The following AMOTL1 variants were observed in gnomAD, a reference collection of about 807,000 sequenced individuals.
AMOTL1 encodes the protein angiomotin-like protein 1.
In AMOTL1, 45 loss-of-function variants were observed where a neutral mutation model predicts 102.9. The ratio of observed to expected loss-of-function variants is 0.44; its 90% CI spans 0.34 to 0.56. The LOEUF (loss-of-function observed/expected upper bound fraction) is 0.56, where lower values mean the gene tolerates loss of function less well. AMOTL1 is among the 20% of genes least tolerant of loss of function. The pLI is 0.01. For missense variants in AMOTL1, 1,114 were observed against 1,225.6 expected, an observed-to-expected ratio of 0.91 and a Z score of 1.36; for synonymous variants, 481 against 484.7, an observed-to-expected ratio of 0.99 and a Z score of 0.10.
At chr11:94,867,103 G>A (rs948322155) in intron 11 of AMOTL1, among the ~76,000 whole-genome samples, 10 of 152,158 alleles carry the variant, frequency 6.6e-5, no homozygotes, top group Non-Finnish European at 1.2e-4. Flanking sequence ...GTGGTCCTCA[G>A]CATAAGACCC....
In AMOTL1 at chr11:94,866,005, A is replaced by G; in HGVS notation, c.2325A>G (p.Arg775=). ...CTATGATTAAGGTCCTGCAGCAGCG[A>G]TCTCGTAAAGATGCCGGGAAGACAG... ...KDAMIKVLQQ[R]SRKDAGKTDS... Residue 775 remains arginine (R), a synonymous_variant, in exon 11 of 13, where the codon CGA becomes CGG. Transcript: ENST00000433060. 1.2e-6 allele frequency: 2 copies of G among 1,613,958 alleles called. No individual in the cohort carries two copies. The highest frequency in any genetic ancestry group is 1.7e-6 in the Non-Finnish European group (2 of 1,179,880).
At position 94,850,104 on chromosome 11, in the gene AMOTL1, T is replaced by G. The variant is rs1482507963; in HGVS notation, c.1649-10T>G. The G allele has an allele frequency of 6.3e-7, 1 of 1,575,764 alleles. No homozygotes were observed. The highest frequency in any genetic ancestry group is 8.6e-7 in the Non-Finnish European group (1 of 1,159,902). ...TGATAGAGGTAGTTTTGTTCGTGTT[T>G]CCCTTCTAGACAAAGAATTCTTGAA... On this transcript the variant is annotated splice_polypyrimidine_tract_variant and intron_variant, in intron 6 of 12. Transcript: ENST00000433060.
At chr11:94,737,974 GA>G (rs1370172621) in intron 2 of AMOTL1, among the ~76,000 whole-genome samples, 3 of 152,216 alleles carry the variant, frequency 2.0e-5, no homozygotes, top group African/African-American at 7.2e-5. Context: ...ATAGAGTCAA[GA>G]AAGGATTTTT....
chr11:94,708,160 C>A (rs748451560), intron 1 of AMOTL1, among the ~76,000 whole-genome samples: 14 of 152,132 alleles, frequency 9.2e-5, no homozygotes, highest in Non-Finnish European at 1.9e-4. Context: ...AGCTCGTCCC[C>A]CCTGCTACCA....
intron 1 of AMOTL1, among the ~76,000 whole-genome samples, chr11:94,780,503 A>T (rs1261636941): frequency 6.6e-6 from 1 of 152,220 alleles, no homozygotes; most frequent in African/African-American, 2.4e-5. Context: ...GAATAGTCTG[A>T]CCTAAACAAA....
rs978753344 is a variant in AMOTL1 at position 94,871,948 on chromosome 11, C to T, written c.*1153C>T. 2.0e-5 allele frequency: 3 copies of T among 151,390 alleles called. No homozygotes were observed. Among genetic ancestry groups the T allele is most frequent in the African/African-American group, 4.9e-5 (2 of 40,882 alleles). The allele number at this position is 151,390 out of a possible 1,614,324, so 9.4% of individuals were successfully genotyped here. ...TCCCGTATAGCTTCTTGTATTGAGG[C>T]TCATGAGCGTATTCACACTCTTTCC... On this transcript the variant is annotated 3_prime_UTR_variant, in exon 13 of 13. Coordinates refer to ENST00000433060, the MANE Select transcript of AMOTL1 (RefSeq NM_130847.3).
At chr11:94,756,474 G>A (rs1299434619) in intron 3 of AMOTL1, among the ~76,000 whole-genome samples, 1 of 152,090 alleles carries the variant, frequency 6.6e-6, no homozygotes, top group East Asian at 1.9e-4. Flanking sequence ...TCATGGAATA[G>A]CTATTACTCT....
At chr11:94,794,817 G>A (rs548110603) in intron 1 of AMOTL1, among the ~76,000 whole-genome samples, 194 bp from the exon 2 acceptor site, 41 of 152,268 alleles carry the variant, frequency 2.7e-4, no homozygotes, top group African/African-American at 8.9e-4. Flanking sequence ...TTGACCTCAC[G>A]GGTCATTTTG....
intron 3 of AMOTL1, among the ~76,000 whole-genome samples, chr11:94,751,598 G>T (rs1950654843): frequency 6.6e-6 from 1 of 151,926 alleles, no homozygotes; most frequent in Admixed American, 6.5e-5. Flanking sequence ...CATTGCTCAG[G>T]AAGTGAGTTT....
At chr11:94,752,690 C>T (rs528355967) in intron 3 of AMOTL1, among the ~76,000 whole-genome samples, 1 of 152,260 alleles carries the variant, frequency 6.6e-6, no homozygotes, top group South Asian at 2.1e-4. Context: ...TAAAAGATTA[C>T]TGGGAAGAGT....
chr11:94,803,556 G>C (rs1488242936), intron 3 of AMOTL1, among the ~76,000 whole-genome samples: 1 of 152,158 alleles, frequency 6.6e-6, no homozygotes, highest in East Asian at 1.9e-4. Context: ...AGGACAAGAT[G>C]GGAATTAAAC....
At chr11:94,771,265 G>GGGC (rs1565345783) in intron 1 of AMOTL1, among the ~76,000 whole-genome samples, 1 of 146,236 alleles carries the variant, frequency 6.8e-6, no homozygotes, top group Non-Finnish European at 1.5e-5. Context: ...GGGTTGGGGG[G>GGGC]GGGGTGCGGT....
chr11:94,720,857 G>A (rs1232794971), intron 1 of AMOTL1, among the ~76,000 whole-genome samples: 1 of 152,112 alleles, frequency 6.6e-6, no homozygotes, highest in Non-Finnish European at 1.5e-5. Flanking sequence ...GATTGAAGGA[G>A]GAGGGTGTGC....
intron 1 of AMOTL1, among the ~76,000 whole-genome samples, chr11:94,709,774 T>G (rs1280853913): frequency 6.6e-6 from 1 of 152,100 alleles, no homozygotes; most frequent in Non-Finnish European, 1.5e-5. Context: ...AATAACAATG[T>G]ATATTAACTA....
intron 3 of AMOTL1, among the ~76,000 whole-genome samples, chr11:94,758,378 C>A (rs185113875): frequency 1.3e-5 from 2 of 152,234 alleles, no homozygotes; most frequent in African/African-American, 2.4e-5. Context: ...TGATTGAATG[C>A]GTAATAAATG....
intron 4 of AMOTL1, among the ~76,000 whole-genome samples, chr11:94,823,027 T>G (rs773873260): frequency 1.3e-5 from 2 of 150,932 alleles, no homozygotes; most frequent in Non-Finnish European, 2.9e-5. Flanking sequence ...TGTTGTCACT[T>G]TGGCTCTATG....
intron 3 of AMOTL1, among the ~76,000 whole-genome samples, chr11:94,808,965 CT>C (rs199619372): frequency 0.013 from 1,465 of 111,754 alleles, 6 homozygotes; most frequent in African/African-American, 0.047. Context: ...TTCTTTCTTT[CT>C]TTTTTTTTTT....
chr11:94,802,074 A>T (rs1951488678), intron 3 of AMOTL1, among the ~76,000 whole-genome samples: 1 of 152,170 alleles, frequency 6.6e-6, no homozygotes, highest in Admixed American at 6.5e-5. Flanking sequence ...ACATTTCCCC[A>T]CATTAGACTG....
At chr11:94,827,977 C>T (rs1468790498) in intron 4 of AMOTL1, among the ~76,000 whole-genome samples, 4 of 152,238 alleles carry the variant, frequency 2.6e-5, no homozygotes, top group East Asian at 1.9e-4. Context: ...GAGTGGTCTC[C>T]GCTTTCTGAT....
Sources: allele counts gnomAD v4.1 joint callset (sites outside exome capture counted in the v4.1 genomes callset), GRCh38; gene constraint gnomAD v4.1.1; transcripts MANE v1.5; gene names NCBI Gene and HGNC (gene_info 2026-07-23, HGNC 2026-07-21).